Variants in SMURF2 observed in about 807,000 individuals in gnomAD.
SMURF2 encodes the protein E3 ubiquitin-protein ligase SMURF2.
In SMURF2, 48 loss-of-function variants were observed where a neutral mutation model predicts 109.6. The ratio of observed to expected loss-of-function variants is 0.44; its 90% CI spans 0.35 to 0.56. The LOEUF (loss-of-function observed/expected upper bound fraction) is 0.56. Ranked by LOEUF, SMURF2 falls within the 20% of genes least tolerant of loss-of-function variation. The pLI is 0.01. For synonymous variants in SMURF2, 288 were observed against 317.1 expected (o/e 0.91, Z 0.97); for missense variants, 575 against 909.0 (o/e 0.63, Z 4.72).
intron 8 of SMURF2, among the ~76,000 whole-genome samples, chr17:64,579,456 T>C (rs1349308131): frequency 2.0e-5 from 3 of 152,202 alleles, no homozygotes; most frequent in Non-Finnish European, 1.5e-5. Flanking sequence ...ATAAACAAAA[T>C]CATATTACTA....
chr17:64,662,254 G>A lies in SMURF2; in HGVS notation c.-374C>T, dbSNP rs1042386358. 8.1e-6 allele frequency: 8 copies of A among 983,218 alleles called. No individual in the cohort carries two copies. In the African/African-American group the frequency reaches 1.2e-4, roughly 15 times the overall value. 60.9% of individuals were successfully genotyped at this position (983,218 alleles called of 1,614,324 possible). On this transcript the variant is annotated 5_prime_UTR_variant, in exon 1 of 19. Coordinates refer to ENST00000262435, the MANE Select transcript of SMURF2 (RefSeq NM_022739.4). ...GCTGAAGCGGGCGGTGCTCGGGGGC[G>A]CCGGAGCAGAACTCTGGGCTCGGCC... is the stretch of plus-strand genomic sequence containing the variant.
chr17:64,631,281 GGAGAGAGAGA>G lies in SMURF2; in HGVS notation c.53-24651_53-24642del, dbSNP rs1468147317. 1.8e-3 allele frequency among the ~76,000 whole-genome samples: 8 copies of G among 4,410 alleles called. 1 individual carries two copies. Among genetic ancestry groups the G allele is most frequent in the African/African-American group, 4.3e-3 (6 of 1,380 alleles). 2.9% of individuals were successfully genotyped at this position (4,410 alleles called of 152,430 possible). The stretch of plus-strand genomic sequence containing the variant: ...AGGTGGGGGGGAGAGAGGGGGGGGG[GGAGAGAGAGA>G]GAGAGAGAGAGAGAGAGAGAGAGAG... On this transcript the variant is annotated intron_variant, in intron 1 of 18. Coordinates refer to ENST00000262435, the MANE Select transcript of SMURF2 (RefSeq NM_022739.4).
At chr17:64,594,190 T>C (rs1230221525) in intron 3 of SMURF2, 4 of 152,208 alleles carry the variant, frequency 2.6e-5, no homozygotes, top group African/African-American at 7.2e-5. Context: ...CCACAGCCAA[T>C]TGTTAACATG....
At chr17:64,616,867 G>A (rs566960456) in intron 1 of SMURF2, among the ~76,000 whole-genome samples, 11 of 151,280 alleles carry the variant, frequency 7.3e-5, no homozygotes, top group African/African-American at 2.2e-4. Flanking sequence ...CTAGGAGTTC[G>A]AGACCAGTCT....
chr17:64,628,669 C>A (rs1004707370), intron 1 of SMURF2, among the ~76,000 whole-genome samples: 6 of 152,178 alleles, frequency 3.9e-5, no homozygotes, highest in Admixed American at 1.3e-4. Flanking sequence ...TAAACTCTAA[C>A]ACTAAGACAA....
intron 1 of SMURF2, among the ~76,000 whole-genome samples, chr17:64,614,268 C>A (rs1555689921): frequency 6.6e-6 from 1 of 152,124 alleles, no homozygotes; most frequent in African/African-American, 2.4e-5. Flanking sequence ...GCACAAAAAT[C>A]TGAAGTATCT....
chr17:64,596,333 A>C (rs185018919), intron 3 of SMURF2, among the ~76,000 whole-genome samples: 1 of 152,202 alleles, frequency 6.6e-6, no homozygotes, highest in East Asian at 1.9e-4. Context: ...TTAAAATTAT[A>C]GATGAGCTCC....
chr17:64,555,565 CA>C (rs1320106433), intron 14 of SMURF2, among the ~76,000 whole-genome samples: 2 of 152,032 alleles, frequency 1.3e-5, no homozygotes, highest in African/African-American at 4.8e-5. Flanking sequence ...ATTGAGGAAA[CA>C]ATTATATAAA....
chr17:64,572,575 A>AT (rs1555685669), intron 9 of SMURF2, among the ~76,000 whole-genome samples: 3 of 152,224 alleles, frequency 2.0e-5, no homozygotes, highest in African/African-American at 7.2e-5. Flanking sequence ...AAAAGCTAAG[A>AT]TTTTTAATGG....
chr17:64,560,498 T>C (rs1284772345), intron 12 of SMURF2, among the ~76,000 whole-genome samples: 15 of 152,072 alleles, frequency 9.9e-5, no homozygotes, highest in Admixed American at 9.8e-4. Context: ...TAAATAACAA[T>C]TAATGGGAAT....
chr17:64,583,064 A>C (rs561193068), intron 7 of SMURF2, among the ~76,000 whole-genome samples: 1 of 151,756 alleles, frequency 6.6e-6, no homozygotes, highest in East Asian at 1.9e-4. Context: ...TGCCCAGCTA[A>C]TTTTTTTGGT....
intron 1 of SMURF2, among the ~76,000 whole-genome samples, chr17:64,624,835 G>A (rs879965526): frequency 2.6e-5 from 4 of 151,842 alleles, no homozygotes; most frequent in African/African-American, 4.8e-5. Context: ...GGGAGGGAAG[G>A]AGAGGGGAGG....
chr17:64,654,734 C>T (rs1970683729), intron 1 of SMURF2, among the ~76,000 whole-genome samples: 1 of 152,208 alleles, frequency 6.6e-6, no homozygotes, highest in Admixed American at 6.5e-5. Context: ...GAGGCTGAGG[C>T]AGGAGAATCG....
Position 64,551,625 on chromosome 17 carries a change from G to A in SMURF2, c.1828C>T (p.Pro610Ser). The A allele has an allele frequency of 6.2e-7, 1 of 1,613,964 alleles. No individual in the cohort carries two copies. Residue 610 changes from proline (P) to serine (S), a missense_variant, in exon 16 of 19, where the codon CCA becomes TCA. Physicochemically the swap from Pro to Ser is moderately conservative, Grantham distance 74. Coordinates refer to ENST00000262435, the MANE Select transcript of SMURF2 (RefSeq NM_022739.4). ...ALQKGFNEVI[P>S]QHLLKTFDEK... is the part of the protein sequence containing the mutation. ...TCAAATGTCTTCAGCAGATGTTGTG[G>A]AATTACTTCATTAAATCCTTTCTGC... is the stretch of plus-strand genomic sequence containing the variant.
rs1280318069 is a variant in SMURF2 at position 64,548,945 on chromosome 17, CCAGGATTAATATATA to C, written c.1870-1159_1870-1145del. Among the ~76,000 whole-genome samples, 6 of 151,900 alleles carry C rather than the reference CCAGGATTAATATATA, an allele frequency of 3.9e-5. No individual in the cohort carries two copies. In the East Asian group the frequency reaches 9.6e-4, roughly 24 times the overall value. On this transcript the variant is annotated intron_variant, in intron 16 of 18. Coordinates refer to ENST00000262435, the MANE Select transcript of SMURF2 (RefSeq NM_022739.4). ...AATCCTGTATTTTATAGAATTACAC[CCAGGATTAATATATA>C]CAATGCTAAAATAAATGTTATACAT...
chr17:64,614,477 C>T (rs942841055), intron 1 of SMURF2, among the ~76,000 whole-genome samples: 1 of 152,188 alleles, frequency 6.6e-6, no homozygotes, highest in Non-Finnish European at 1.5e-5. Flanking sequence ...ATTAAGTCTG[C>T]TTATACTACT....
chr17:64,555,079 G>T, intron 14 of SMURF2, 86 bp from the exon 15 acceptor site: 2 of 1,268,288 alleles, frequency 1.6e-6, no homozygotes, highest in Non-Finnish European at 2.2e-6. Flanking sequence ...ATAAAACTAA[G>T]ATCATTTTAT....
intron 5 of SMURF2, among the ~76,000 whole-genome samples, chr17:64,588,449 T>C (rs1969699320): frequency 6.6e-6 from 1 of 152,074 alleles, no homozygotes; most frequent in Admixed American, 6.5e-5. Flanking sequence ...TACTTCATCC[T>C]TTAAAAATAA....
At chr17:64,657,882 T>C (rs1228212083) in intron 1 of SMURF2, among the ~76,000 whole-genome samples, 1 of 152,084 alleles carries the variant, frequency 6.6e-6, no homozygotes, top group Non-Finnish European at 1.5e-5. Flanking sequence ...CAGACTTTAT[T>C]ACGAATACCA....
Sources: allele counts gnomAD v4.1 joint callset (sites outside exome capture counted in the v4.1 genomes callset), GRCh38; gene constraint gnomAD v4.1.1; transcripts MANE v1.5; gene names NCBI Gene and HGNC (gene_info 2026-07-23, HGNC 2026-07-21).